Variants in ITGA8 observed in about 807,000 individuals in gnomAD.
The protein encoded by ITGA8 is integrin alpha-8.
ITGA8 carries 91 observed loss-of-function variants against 142.3 expected under a neutral mutation model. That is an observed-to-expected ratio of 0.64 (90% CI 0.54 to 0.76). The LOEUF is 0.76. ITGA8 is among the 30% of genes least tolerant of loss of function. ITGA8 has a pLI of 0.00. For missense variants in ITGA8, 1,406 were observed against 1,327.7 expected (o/e 1.06, Z -0.92); for synonymous variants, 505 against 485.2 (o/e 1.04, Z -0.54).
At chr10:15,586,053 T>TC (rs1378404603) in intron 23 of ITGA8, among the ~76,000 whole-genome samples, 1 of 128,016 alleles carries the variant, frequency 7.8e-6, no homozygotes, top group Non-Finnish European at 1.6e-5. Context: ...AAAGTGATTT[T>TC]TTTTTTTTTT....
rs1833912893 is a variant in ITGA8, at chr10:15,557,941, A to C, written c.2766+133T>G. 5 of 1,114,044 alleles carry C rather than the reference A, an allele frequency of 4.5e-6. No homozygotes were observed. In the African/African-American group the frequency reaches 4.7e-5, roughly 10 times the overall value. The allele number at this position is 1,114,044 out of a possible 1,614,324, so 69.0% of individuals were successfully genotyped here. ...GTTGCTTTTCATTCTCGAGATAAACACTGCCAAACGTTAGGAATATCTGAG... is the reference window on the plus strand; with the variant it reads ...GTTGCTTTTCATTCTCGAGATAAACCCTGCCAAACGTTAGGAATATCTGAG... On this transcript the variant is annotated intron_variant, in intron 26 of 29. Coordinates refer to ENST00000378076, the MANE Select transcript of ITGA8 (RefSeq NM_003638.3).
intron 28 of ITGA8, among the ~76,000 whole-genome samples, chr10:15,521,734 G>A (rs1203972090): frequency 1.3e-5 from 2 of 152,276 alleles, no homozygotes; most frequent in East Asian, 1.9e-4. Flanking sequence ...TACACTCTGC[G>A]CACCACTGTT....
chr10:15,528,397 C>A (rs988712671), intron 28 of ITGA8, among the ~76,000 whole-genome samples: 2 of 152,122 alleles, frequency 1.3e-5, no homozygotes, highest in Admixed American at 6.6e-5. Context: ...GCAAGGTCTT[C>A]TCCAGTTAGT....
intron 2 of ITGA8, among the ~76,000 whole-genome samples, chr10:15,714,468 G>T (rs1024241349): frequency 2.0e-5 from 3 of 152,142 alleles, no homozygotes; most frequent in African/African-American, 7.2e-5. Flanking sequence ...AGTAAAGAGG[G>T]AAAGACAGAA....
At chr10:15,646,799 C>T (rs755587801) in intron 12 of ITGA8, 47 bp downstream of exon 12, 5 of 1,407,172 alleles carry the variant, frequency 3.6e-6, no homozygotes, top group Non-Finnish European at 4.0e-6. Flanking sequence ...CTCCTTTATG[C>T]AGTGGTGACG....
At chr10:15,616,675 A>G in intron 13 of ITGA8, 116 bp from the exon 14 acceptor site, 1 of 816,474 alleles carries the variant, frequency 1.2e-6, no homozygotes, top group Non-Finnish European at 2.1e-6. Flanking sequence ...CGAGAGCCAC[A>G]AAATTAGAAG....
chr10:15,673,007 T>C (rs532971934), intron 6 of ITGA8, among the ~76,000 whole-genome samples: 1 of 152,348 alleles, frequency 6.6e-6, no homozygotes, highest in East Asian at 1.9e-4. Context: ...CACCTCCAAA[T>C]GATAAAAGTA....
chr10:15,671,931 C>CATGG (rs1276136744), intron 7 of ITGA8, among the ~76,000 whole-genome samples: 1 of 146,034 alleles, frequency 6.8e-6, no homozygotes, highest in African/African-American at 2.5e-5. Context: ...ATTTTAAAAG[C>CATGG]ATGGATACTT....
At chr10:15,675,468 T>G (rs1834609981) in intron 6 of ITGA8, among the ~76,000 whole-genome samples, 1 of 152,162 alleles carries the variant, frequency 6.6e-6, no homozygotes, top group Non-Finnish European at 1.5e-5. Context: ...AAATTTCTCT[T>G]CTTTTACAGT....
chr10:15,548,230 C>T (rs995406728), intron 27 of ITGA8, among the ~76,000 whole-genome samples: 1 of 151,882 alleles, frequency 6.6e-6, no homozygotes, highest in Admixed American at 6.6e-5. Flanking sequence ...TAGCTGGGAC[C>T]ACTGGTGTTC....
rs199499571 is a variant in ITGA8 at position 15,605,811 on chromosome 10, G to A, written c.1903-20C>T. On this transcript the variant is annotated intron_variant, in intron 18 of 29. Coordinates refer to ENST00000378076, the MANE Select transcript of ITGA8 (RefSeq NM_003638.3). ...GTGAGCCTGTGTTGTATAAACGCAC[G>A]TCAGGAACAATCTAGGAAAATCTGA... is the stretch of plus-strand genomic sequence containing the variant. The A allele has an allele frequency of 2.2e-5, 35 of 1,608,634 alleles. No individual in the cohort carries two copies. The highest frequency in any genetic ancestry group is 1.8e-4 in the Admixed American group (11 of 59,904).
In ITGA8 at chr10:15,644,040, A is replaced by T; in HGVS notation, c.1389T>A (p.Asn463Lys). ...TLRGDSDIDK[N>K]DYPDLIVGAF... is the part of the protein sequence containing the mutation. Reference sequence around the variant, plus strand: ...GAAAGAAAACCTTACCTGGGTAATCATTCTTGTCTATGTCTGAATCTCCTC... The same window carrying T: ...GAAAGAAAACCTTACCTGGGTAATCTTTCTTGTCTATGTCTGAATCTCCTC... Residue 463 changes from asparagine to lysine, a missense_variant, in exon 13 of 30, where the codon AAT becomes AAA. Physicochemically the swap from Asn to Lys is moderately conservative, Grantham distance 94. Coordinates refer to ENST00000378076, the MANE Select transcript of ITGA8 (RefSeq NM_003638.3). 6.2e-7 allele frequency: 1 copy of T among 1,612,496 alleles called. No individual in the cohort carries two copies. Among genetic ancestry groups the T allele is most frequent in the Admixed American group, 1.7e-5 (1 of 59,852 alleles).
At chr10:15,652,683 G>C (rs1834110273) in intron 11 of ITGA8, among the ~76,000 whole-genome samples, 1 of 152,112 alleles carries the variant, frequency 6.6e-6, no homozygotes. Context: ...GAAGATGAAG[G>C]CAATTTATTT....
intron 10 of ITGA8, among the ~76,000 whole-genome samples, chr10:15,656,652 C>T (rs780618278): frequency 2.6e-5 from 4 of 152,248 alleles, no homozygotes; most frequent in Middle Eastern, 3.4e-3. Flanking sequence ...TGTGATCCCC[C>T]GCACCTGGCC....
intron 26 of ITGA8, among the ~76,000 whole-genome samples, chr10:15,553,821 T>C (rs1156255400): frequency 1.3e-5 from 2 of 152,076 alleles, no homozygotes; most frequent in African/African-American, 4.8e-5. Context: ...GCCAACATGC[T>C]GAAACCCTGT....
At chr10:15,696,253 G>GAA (rs1168420736) in intron 2 of ITGA8, among the ~76,000 whole-genome samples, 8 of 152,194 alleles carry the variant, frequency 5.3e-5, no homozygotes, top group African/African-American at 1.9e-4. Context: ...AAACTACGGA[G>GAA]AAAGCAAAGG....
At chr10:15,675,936 C>G (rs568562780) in intron 6 of ITGA8, among the ~76,000 whole-genome samples, 1 of 152,020 alleles carries the variant, frequency 6.6e-6, no homozygotes, top group Non-Finnish European at 1.5e-5. Context: ...CATTTGTATC[C>G]TACGTTTTTT....
chr10:15,547,613 A>C (rs1482294563), intron 27 of ITGA8, among the ~76,000 whole-genome samples: 1 of 152,102 alleles, frequency 6.6e-6, no homozygotes, highest in Non-Finnish European at 1.5e-5. Context: ...AAATCAATGG[A>C]ATGATCCCTG....
rs375611720 is a variant in ITGA8, at chr10:15,538,939, A to AT, written c.2881-7789dup. ...AAGACCCTTCAAGAAACCACCTGAC[A>AT]TTTTCAGGTAAAGGTTTTTTTTTTT... On this transcript the variant is annotated intron_variant, in intron 27 of 29. Coordinates refer to ENST00000378076, the MANE Select transcript of ITGA8 (RefSeq NM_003638.3). 1.5e-3 allele frequency among the ~76,000 whole-genome samples: 207 copies of AT among 142,172 alleles called. 1 individual carries two copies. Among genetic ancestry groups the AT allele is most frequent in the African/African-American group, 5.0e-3 (196 of 38,928 alleles). The allele number at this position is 142,172 out of a possible 152,430, so 93.3% of individuals were successfully genotyped here.
Sources: allele counts gnomAD v4.1 joint callset (sites outside exome capture counted in the v4.1 genomes callset), GRCh38; gene constraint gnomAD v4.1.1; transcripts MANE v1.5; gene names NCBI Gene and HGNC (gene_info 2026-07-23, HGNC 2026-07-21).